The following SGCZ variants were observed in gnomAD, a reference collection of about 807,000 sequenced individuals.
SGCZ encodes sarcoglycan zeta, also known as zeta-sarcoglycan.
Under a neutral mutation model 41.3 loss-of-function variants are expected in SGCZ, and 40 were observed. That is an observed-to-expected ratio of 0.97 (90% CI 0.75 to 1.26). The LOEUF (loss-of-function observed/expected upper bound fraction) is 1.26, where lower values mean the gene tolerates loss of function less well. SGCZ is among the 50% of genes most tolerant of loss of function. The pLI, the probability that SGCZ is intolerant of heterozygous loss-of-function variation, is 0.00. For synonymous variants in SGCZ, 206 were observed against 137.5 expected, an observed-to-expected ratio of 1.50 and a Z score of -3.49; for missense variants, 552 against 369.8, an observed-to-expected ratio of 1.49 and a Z score of -4.04.
At chr8:15,068,023 T>G (rs1805215016) in intron 1 of SGCZ, among the ~76,000 whole-genome samples, 1 of 152,190 alleles carries the variant, frequency 6.6e-6, no homozygotes, top group Non-Finnish European at 1.5e-5. Flanking sequence ...GGTACATCTT[T>G]GTGACTAAAA....
chr8:14,395,267 T>C (rs912145179), intron 2 of SGCZ, among the ~76,000 whole-genome samples: 2 of 152,146 alleles, frequency 1.3e-5, no homozygotes, highest in African/African-American at 4.8e-5. Flanking sequence ...AAAATTCAGA[T>C]GCATGTATTC....
At chr8:14,421,131 G>A (rs1585486705) in intron 2 of SGCZ, among the ~76,000 whole-genome samples, 3 of 152,228 alleles carry the variant, frequency 2.0e-5, no homozygotes, top group Admixed American at 6.6e-5. Context: ...ACAAATTTGT[G>A]AGAGGATTAT....
chr8:15,163,904 C>A (rs1585629347), intron 1 of SGCZ, among the ~76,000 whole-genome samples: 1 of 152,310 alleles, frequency 6.6e-6, no homozygotes, highest in Non-Finnish European at 1.5e-5. Context: ...CTCAGAGAAA[C>A]TCCAGCCAGC....
At chr8:14,613,636 C>T (rs559197098) in intron 1 of SGCZ, among the ~76,000 whole-genome samples, 129 of 152,182 alleles carry the variant, frequency 8.5e-4, no homozygotes, top group African/African-American at 2.6e-3. Context: ...CAGGGGTATA[C>T]GCCATTAAAT....
At chr8:14,410,752 T>C (rs377347028) in intron 2 of SGCZ, among the ~76,000 whole-genome samples, 1 of 152,252 alleles carries the variant, frequency 6.6e-6, no homozygotes, top group African/African-American at 2.4e-5. Context: ...GTTTTGCACA[T>C]GTATCCTAGA....
intron 2 of SGCZ, among the ~76,000 whole-genome samples, chr8:14,426,582 T>C (rs550622446): frequency 6.6e-6 from 1 of 152,102 alleles, no homozygotes; most frequent in South Asian, 2.1e-4. Context: ...AGGGAGAAGT[T>C]TTGTTTGTTA....
chr8:14,752,537 G>A (rs528984243), intron 1 of SGCZ, among the ~76,000 whole-genome samples: 1 of 152,100 alleles, frequency 6.6e-6, no homozygotes, highest in East Asian at 1.9e-4. Context: ...TAGCCCAATT[G>A]GTCTATAAGC....
intron 1 of SGCZ, among the ~76,000 whole-genome samples, chr8:14,635,338 T>C (rs1052569790): frequency 2.6e-5 from 4 of 151,972 alleles, no homozygotes; most frequent in Admixed American, 6.6e-5. Flanking sequence ...ACTGGAAATA[T>C]ATCCAACTAT....
At chr8:14,669,688 G>T (rs1018288892) in intron 1 of SGCZ, among the ~76,000 whole-genome samples, 1 of 73,756 alleles carries the variant, frequency 1.4e-5, no homozygotes. Context: ...ATTCCATTTT[G>T]TGTATACACA....
chr8:15,179,159 A>G (rs1800086367), intron 1 of SGCZ, among the ~76,000 whole-genome samples: 2 of 152,186 alleles, frequency 1.3e-5, no homozygotes, highest in South Asian at 4.1e-4. Context: ...TATCAATTAA[A>G]TAATAATTAA....
chr8:14,477,317 G>T (rs1178192481), intron 2 of SGCZ, among the ~76,000 whole-genome samples: 1 of 152,092 alleles, frequency 6.6e-6, no homozygotes, highest in African/African-American at 2.4e-5. Context: ...AACCAACTTT[G>T]AGATACTTAC....
At chr8:14,192,161 T>A (rs887252269) in intron 4 of SGCZ, among the ~76,000 whole-genome samples, 1 of 152,090 alleles carries the variant, frequency 6.6e-6, no homozygotes, top group African/African-American at 2.4e-5. Context: ...TCATAAACTT[T>A]CACATGGGTA....
chr8:15,187,691 A>T (rs184200814), intron 1 of SGCZ, among the ~76,000 whole-genome samples: 1 of 152,142 alleles, frequency 6.6e-6, no homozygotes, highest in Admixed American at 6.5e-5. Flanking sequence ...TAACTTATTA[A>T]CTTAAAAAAT....
chr8:14,239,761 G>T (rs1798794010), intron 3 of SGCZ, among the ~76,000 whole-genome samples: 1 of 150,600 alleles, frequency 6.6e-6, no homozygotes, highest in African/African-American at 2.4e-5. Flanking sequence ...AATTAGCCGG[G>T]CGTAGTGGCG....
At chr8:14,833,505 T>C (rs1038971326) in intron 1 of SGCZ, among the ~76,000 whole-genome samples, 1 of 152,226 alleles carries the variant, frequency 6.6e-6, no homozygotes, top group Non-Finnish European at 1.5e-5. Context: ...TGAGCACTTC[T>C]GTGAACTGAC....
At chr8:14,918,503 T>C (rs1362482207) in intron 1 of SGCZ, among the ~76,000 whole-genome samples, 1 of 152,116 alleles carries the variant, frequency 6.6e-6, no homozygotes, top group Non-Finnish European at 1.5e-5. Context: ...TGAAGGATCT[T>C]CCTACTCACT....
intron 1 of SGCZ, among the ~76,000 whole-genome samples, chr8:14,961,234 G>A (rs774893662): frequency 6.6e-6 from 1 of 152,028 alleles, no homozygotes; most frequent in Non-Finnish European, 1.5e-5. Context: ...TTATTAGTTG[G>A]TAAATCTCTC....
chr8:14,661,355 A>G (rs925396246), intron 1 of SGCZ, among the ~76,000 whole-genome samples: 1 of 152,192 alleles, frequency 6.6e-6, no homozygotes, highest in African/African-American at 2.4e-5. Context: ...AATGGCCTAG[A>G]AAATATGAAA....
At chr8:14,862,575 TATATATAC>T (rs1474583352) in intron 1 of SGCZ, among the ~76,000 whole-genome samples, 5 of 111,424 alleles carry the variant, frequency 4.5e-5, no homozygotes, top group Admixed American at 9.1e-5. Context: ...TATATATATA[TATATATAC>T]ACACACAATT....
Sources: allele counts gnomAD v4.1 joint callset (sites outside exome capture counted in the v4.1 genomes callset), GRCh38; gene constraint gnomAD v4.1.1; transcripts MANE v1.5; gene names NCBI Gene and HGNC (gene_info 2026-07-23, HGNC 2026-07-21).